The following TANC2 variants were observed in gnomAD, a reference collection of about 807,000 sequenced individuals.
TANC2 encodes the protein tetratricopeptide repeat, ankyrin repeat and coiled-coil containing 2.
A neutral mutation model predicts 210.5 loss-of-function variants in TANC2; 26 were observed. The observed-to-expected ratio is 0.12, with a 90% CI of 0.09 to 0.17. TANC2 has a LOEUF of 0.17. Ranked by LOEUF, TANC2 falls within the 10% of genes least tolerant of loss-of-function variation. The pLI, the probability that TANC2 is intolerant of heterozygous loss-of-function variation, is 1.00. For missense variants in TANC2, 2,129 were observed against 2,608.9 expected (o/e 0.82, Z 4.01); for synonymous variants, 931 against 967.1 (o/e 0.96, Z 0.69).
At chr17:63,166,002 G>A (rs1379655411) in intron 5 of TANC2, among the ~76,000 whole-genome samples, 1 of 152,168 alleles carries the variant, frequency 6.6e-6, no homozygotes, top group African/African-American at 2.4e-5. Context: ...TCCCATTTAA[G>A]CCAAATAGTC....
intron 9 of TANC2, among the ~76,000 whole-genome samples, chr17:63,301,363 C>G (rs1185625388): frequency 6.6e-6 from 1 of 152,156 alleles, no homozygotes; most frequent in Non-Finnish European, 1.5e-5. Flanking sequence ...GTACCAGCTC[C>G]TCTTTGTACC....
At chr17:63,188,300 T>TA (rs71357050) in intron 5 of TANC2, among the ~76,000 whole-genome samples, 3,356 of 144,048 alleles carry the variant, frequency 0.023, 109 homozygotes, top group African/African-American at 0.077. Context: ...CCCCATCTCT[T>TA]AAAAAAAAAA....
At chr17:63,385,772 A>G (rs2047759529) in intron 15 of TANC2, among the ~76,000 whole-genome samples, 1 of 152,236 alleles carries the variant, frequency 6.6e-6, no homozygotes, top group Admixed American at 6.5e-5. Flanking sequence ...AATATGGACT[A>G]TGTAGAAATT....
intron 6 of TANC2, 145 bp downstream of exon 6, chr17:63,194,284 A>G: frequency 3.1e-6 from 3 of 981,440 alleles, no homozygotes; most frequent in Non-Finnish European, 2.8e-6. Flanking sequence ...TTTATGAATA[A>G]TCTTTTAGCT....
chr17:63,355,297 G>C, exon 14 of TANC2: 1 of 1,613,174 alleles, frequency 6.2e-7, no homozygotes, highest in African/African-American at 1.3e-5. Context: ...ATCAAGCGCA[G>C]AGACATGACT....
intron 10 of TANC2, among the ~76,000 whole-genome samples, chr17:63,318,517 C>G (rs1049525691): frequency 1.3e-5 from 2 of 152,164 alleles, no homozygotes; most frequent in African/African-American, 4.8e-5. Flanking sequence ...TATTTCCAGC[C>G]CTAGGTAACC....
At chr17:63,419,454 C>T (rs574155024) in intron 27 of TANC2, among the ~76,000 whole-genome samples, 40 of 152,298 alleles carry the variant, frequency 2.6e-4, no homozygotes, top group African/African-American at 9.6e-4. Flanking sequence ...TAATGCCTGC[C>T]CCACTTTGAT....
intron 11 of TANC2, among the ~76,000 whole-genome samples, chr17:63,330,759 T>C (rs1007227872): frequency 2.6e-5 from 4 of 152,202 alleles, no homozygotes; most frequent in African/African-American, 7.2e-5. Context: ...GGACTTCCAC[T>C]GAGAACAATG....
chr17:63,151,225 G>A, intron 4 of TANC2, 45 bp from the exon 5 acceptor site: 1 of 861,552 alleles, frequency 1.2e-6, no homozygotes, highest in Non-Finnish European at 1.4e-6. Context: ...TTTCTCTCTT[G>A]CTCTCTCTGT....
Position 63,212,803 on chromosome 17 carries a change from A to G in TANC2, c.769+11846A>G, listed in dbSNP as rs145949880. 4.3e-3 allele frequency among the ~76,000 whole-genome samples: 655 copies of G among 152,308 alleles called. 4 individuals are homozygous for G. Among genetic ancestry groups the G allele is most frequent in the African/African-American group, 0.014 (588 of 41,566 alleles). ...ATAAGGTCCATAGACCAAATGAATA[A>G]TTGTGTCTTTGTGCCACAAATTAAC... On this transcript the variant is annotated intron_variant, in intron 7 of 27. Transcript: ENST00000689528.
At chr17:63,073,435 A>G (rs2036467618) in intron 2 of TANC2, among the ~76,000 whole-genome samples, 5 of 152,154 alleles carry the variant, frequency 3.3e-5, no homozygotes, top group Admixed American at 3.3e-4. Context: ...ATGGTAAAAT[A>G]AACTCAAGAT....
At position 63,314,789 on chromosome 17, in the gene TANC2, G is replaced by A. The variant is rs371455610; in HGVS notation, c.1441+120G>A. 34 of 1,245,906 alleles carry A rather than the reference G, an allele frequency of 2.7e-5. No homozygotes were observed. The East Asian group carries it at 7.0e-4, about 26-fold the overall frequency. The allele number at this position is 1,245,906 out of a possible 1,614,324, so 77.2% of individuals were successfully genotyped here. A position where few individuals can be genotyped will look rare whatever the true frequency, so the allele number is the denominator to read the frequency against. ...CTGCAAAACCTGACTTCCACGTGAG[G>A]ACTATTCATTTAGGTTGAGAGAAAG... is the stretch of plus-strand genomic sequence containing the variant. On this transcript the variant is annotated intron_variant, in intron 10 of 27. Coordinates refer to ENST00000689528, the Ensembl canonical transcript of TANC2.
intron 1 of TANC2, among the ~76,000 whole-genome samples, chr17:62,986,587 G>C (rs1469205190): frequency 6.6e-6 from 1 of 152,052 alleles, no homozygotes; most frequent in Non-Finnish European, 1.5e-5. Flanking sequence ...GCTTGTGTTT[G>C]CTGGGGGTGA....
chr17:63,185,307 A>G (rs1598557766), intron 5 of TANC2, among the ~76,000 whole-genome samples: 1 of 151,476 alleles, frequency 6.6e-6, no homozygotes, highest in East Asian at 2.0e-4. Flanking sequence ...TGGCCAGGCT[A>G]GTCTTGAACT....
At chr17:63,330,603 A>G (rs2045805954) in intron 11 of TANC2, among the ~76,000 whole-genome samples, 1 of 152,332 alleles carries the variant, frequency 6.6e-6, no homozygotes, top group African/African-American at 2.4e-5. Context: ...GCATTCATTA[A>G]AAGTGTCCGT....
intron 1 of TANC2, chr17:62,978,556 A>G (rs950163457): frequency 2.0e-5 from 3 of 152,338 alleles, no homozygotes; most frequent in African/African-American, 4.8e-5. Flanking sequence ...TGTTGACAGT[A>G]TGGACAGCTG....
At chr17:63,383,912 CT>C (rs2047692986) in intron 15 of TANC2, among the ~76,000 whole-genome samples, 1 of 152,080 alleles carries the variant, frequency 6.6e-6, no homozygotes, top group Non-Finnish European at 1.5e-5. Flanking sequence ...CTATTCTTTT[CT>C]TTTCCTGTTT....
chr17:63,197,562 A>C (rs896509027), intron 6 of TANC2: 4 of 152,238 alleles, frequency 2.6e-5, no homozygotes, highest in African/African-American at 9.6e-5. Flanking sequence ...ACAGAATCTA[A>C]TGCAAGTCAG....
intron 5 of TANC2, 30 bp downstream of exon 5, chr17:63,151,410 A>G (rs971676812): frequency 2.1e-6 from 2 of 961,060 alleles, no homozygotes; most frequent in Admixed American, 1.2e-4. Context: ...GTCTGCTTTG[A>G]AAGAGGGAGG....
Sources: gnomAD v4.1 joint callset for allele counts (sites outside exome capture counted in the v4.1 genomes callset) on GRCh38, gnomAD v4.1.1 for gene constraint, MANE v1.5 for transcripts, NCBI Gene and HGNC (gene_info 2026-07-23, HGNC 2026-07-21) for gene names.